The following SIX3 variants were observed in gnomAD, a reference collection of about 807,000 sequenced individuals.
The protein encoded by SIX3 is homeobox protein SIX3.
SIX3 carries 2 observed loss-of-function variants against 21.7 expected under a neutral mutation model. The ratio of observed to expected loss-of-function variants is 0.09; its 90% CI spans 0.04 to 0.29. The LOEUF (loss-of-function observed/expected upper bound fraction) is 0.29, where lower values mean the gene tolerates loss of function less well. Ranked by LOEUF, SIX3 falls within the 10% of genes least tolerant of loss-of-function variation. The pLI is 1.00. For missense variants in SIX3, 347 were observed against 480.7 expected (o/e 0.72, Z 2.60); for synonymous variants, 243 against 220.6 (o/e 1.10, Z -0.90).
At chr2:44,943,565 G>A (rs1666627399) in intron 1 of SIX3, among the ~76,000 whole-genome samples, 2 of 152,338 alleles carry the variant, frequency 1.3e-5, no homozygotes, top group African/African-American at 4.8e-5. Flanking sequence ...GCTGGGAAGC[G>A]GGCACGAGCA....
Position 44,944,616 on chromosome 2 carries a change from G to C in SIX3, c.855G>C (p.Glu285Asp). 1 of 1,574,584 alleles carries C rather than the reference G, an allele frequency of 6.4e-7. No homozygotes were observed. Among genetic ancestry groups the C allele is most frequent in the Admixed American group, 1.7e-5 (1 of 57,730 alleles). ...CGAGCGGCATGCGCTCGCTGGCCGA[G>C]CCCGGCTGCCCCACGCACGGCTCGG... ...IGPSGMRSLA[E>D]PGCPTHGSAE... is the part of the protein sequence containing the mutation. Residue 285 changes from glutamate (E) to aspartate (D), a missense_variant, in exon 2 of 2, where the codon GAG (glutamate) becomes GAC (aspartate). Physicochemically the swap from Glu to Asp is conservative, Grantham distance 45. This residue lies in a region of SIX3 where 110 missense variants were observed against 93.3 expected (regional missense o/e 1.18). Transcript: ENST00000260653.
In SIX3 at chr2:44,942,665, G is replaced by C. The variant is rs766604421; in HGVS notation, c.561G>C (p.Pro187=). 4.4e-6 allele frequency: 7 copies of C among 1,599,440 alleles called. No individual in the cohort carries two copies. The highest frequency in any genetic ancestry group is 5.9e-6 in the Non-Finnish European group (7 of 1,179,310). The change falls in exon 1 of 2, where the codon CCG becomes CCC. Residue 187 remains proline, a synonymous_variant. Transcript: ENST00000260653. The surrounding 1 kb of genome is among the most constrained non-coding windows in gnomAD (Gnocchi z 8.4). ...AGCTGCGCGGCCGCCCACTCGGCCC[G>C]GTGGACAAGTACCGCGTGCGCAAGA... ...AEKLRGRPLG[P]VDKYRVRKKF...
intron 1 of SIX3, among the ~76,000 whole-genome samples, chr2:44,943,558 G>A (rs1210184917): frequency 6.6e-6 from 1 of 152,246 alleles, no homozygotes; most frequent in African/African-American, 2.4e-5. Flanking sequence ...CCTCTAAGCT[G>A]GGAAGCGGGC....
chr2:44,944,347 G>A (rs1214401024), intron 1 of SIX3, among the ~76,000 whole-genome samples: 1 of 152,194 alleles, frequency 6.6e-6, no homozygotes, highest in Non-Finnish European at 1.5e-5. Flanking sequence ...AGAAGCGCCC[G>A]GCTCCTCTCC....
chr2:44,941,978 C>T lies in SIX3; in HGVS notation c.-127C>T. The T allele has an allele frequency of 1.6e-6, 1 of 631,754 alleles. No homozygotes were observed. Among genetic ancestry groups the T allele is most frequent in the Non-Finnish European group, 2.9e-6 (1 of 345,008 alleles). 39.1% of individuals were successfully genotyped at this position (631,754 alleles called of 1,614,324 possible). A position where few individuals can be genotyped will look rare whatever the true frequency, so the allele number is the denominator to read the frequency against. ...CTCCTCTCCCTCCTCCTCCTGCTCCCCCCTCCTTTCCTTCTCCTCCTCCCC... is the reference window on the plus strand; with the variant it reads ...CTCCTCTCCCTCCTCCTCCTGCTCCTCCCTCCTTTCCTTCTCCTCCTCCCC... On this transcript the variant is annotated 5_prime_UTR_variant, in exon 1 of 2. Coordinates refer to ENST00000260653, the MANE Select transcript of SIX3 (RefSeq NM_005413.4).
chr2:44,942,455 G>T lies in SIX3; in HGVS notation c.351G>T (p.Val117=), dbSNP rs199742584. The change falls in exon 1 of 2, where the codon GTG becomes GTT. Residue 117 remains valine, a synonymous_variant. Coordinates refer to ENST00000260653, the MANE Select transcript of SIX3 (RefSeq NM_005413.4). This position sits in a 1 kb window ranked among gnomAD's most constrained non-coding sequence, Gnocchi z 8.4. ...GCCGCTTCCTCTGGTCGCTGCCCGT[G>T]GCCCCCGGGGCGTGCGAGGCCATCA... ...RLGRFLWSLP[V]APGACEAINK... 4 of 1,597,930 alleles carry T rather than the reference G, an allele frequency of 2.5e-6. No homozygotes were observed. The highest frequency in any genetic ancestry group is 3.4e-6 in the Non-Finnish European group (4 of 1,179,610).
In SIX3 at chr2:44,945,145, A is replaced by C; in HGVS notation, c.*385A>C. 1 of 240,592 alleles carries C rather than the reference A, an allele frequency of 4.2e-6. No homozygotes were observed. Among genetic ancestry groups the C allele is most frequent in the African/African-American group, 2.3e-5 (1 of 43,724 alleles). 14.9% of individuals were successfully genotyped at this position (240,592 alleles called of 1,614,324 possible). Reference sequence around the variant, plus strand: ...TCCTTTCGGTTCCCATGGACCCGGCACCCCACCTGCATGACGATTTATTTG... The same window carrying C: ...TCCTTTCGGTTCCCATGGACCCGGCCCCCCACCTGCATGACGATTTATTTG... On this transcript the variant is annotated 3_prime_UTR_variant, in exon 2 of 2. Transcript: ENST00000260653.
intron 1 of SIX3, among the ~76,000 whole-genome samples, chr2:44,943,979 C>G (rs897306451): frequency 1.3e-5 from 2 of 152,206 alleles, no homozygotes. Flanking sequence ...AAGCCAAGGC[C>G]TCCTTGTGGA....
chr2:44,942,031 ATCGCCCCTCTCCTCC>A lies in SIX3; in HGVS notation c.-71_-57del, dbSNP rs1666581235. 9.2e-7 allele frequency: 1 copy of A among 1,090,624 alleles called. No homozygotes were observed. The highest frequency in any genetic ancestry group is 1.8e-5 in the African/African-American group (1 of 55,558). The allele number at this position is 1,090,624 out of a possible 1,614,324, so 67.6% of individuals were successfully genotyped here. A position where few individuals can be genotyped will look rare whatever the true frequency, so the allele number is the denominator to read the frequency against. On this transcript the variant is annotated 5_prime_UTR_variant, in exon 1 of 2. Transcript: ENST00000260653. This position sits in a 1 kb window ranked among gnomAD's most constrained non-coding sequence, Gnocchi z 8.4. Reference sequence around the variant, plus strand: ...TCTCCTCTCCCTCCTCCTGGTCCTCATCGCCCCTCTCCTCCTCTTCCTCCCCTCTCTCTTCCTCTC... The same window carrying A: ...TCTCCTCTCCCTCCTCCTGGTCCTCATCTTCCTCCCCTCTCTCTTCCTCTC...
chr2:44,943,988 G>A (rs1666637311), intron 1 of SIX3, among the ~76,000 whole-genome samples: 1 of 152,212 alleles, frequency 6.6e-6, no homozygotes, highest in Non-Finnish European at 1.5e-5. Context: ...CCTCCTTGTG[G>A]AGAGAATTCC....
At chr2:44,943,587 G>A (rs1043569826) in intron 1 of SIX3, among the ~76,000 whole-genome samples, 1 of 152,206 alleles carries the variant, frequency 6.6e-6, no homozygotes, top group Non-Finnish European at 1.5e-5. Flanking sequence ...CCTCGTTGCC[G>A]GCAAGTTGGC....
chr2:44,944,223 G>C (rs1047266684), intron 1 of SIX3, among the ~76,000 whole-genome samples: 3 of 152,226 alleles, frequency 2.0e-5, no homozygotes, highest in Non-Finnish European at 2.9e-5. Context: ...GGGCGGTGGG[G>C]AACCCGCAGC....
rs776461044 is a variant in SIX3, at chr2:44,942,332, G to A, written c.228G>A (p.Glu76=). ...GCGGCTCCAGGGCCCCCCCGGAAGA[G>A]TTGTCCATGTTCCAGCTGCCCACCC... ...GGGGSRAPPE[E]LSMFQLPTLN... Residue 76 remains glutamate, a synonymous_variant, in exon 1 of 2, where the codon GAG becomes GAA. Coordinates refer to ENST00000260653, the MANE Select transcript of SIX3 (RefSeq NM_005413.4). This position sits in a 1 kb window ranked among gnomAD's most constrained non-coding sequence, Gnocchi z 8.4. 1 of 1,595,570 alleles carries A rather than the reference G, an allele frequency of 6.3e-7. No homozygotes were observed. Among genetic ancestry groups the A allele is most frequent in the Non-Finnish European group, 8.5e-7 (1 of 1,178,782 alleles).
Position 44,942,303 on chromosome 2 carries a change from G to C in SIX3, c.199G>C (p.Gly67Arg). The C allele has an allele frequency of 1.3e-6, 2 of 1,577,442 alleles. No individual in the cohort carries two copies. Among genetic ancestry groups the C allele is most frequent in the South Asian group, 1.1e-5 (1 of 89,360 alleles). The change falls in exon 1 of 2, where the codon GGC (glycine) becomes CGC (arginine). Residue 67 changes from glycine (G) to arginine (R), a missense_variant. Gly to Arg is a moderately radical substitution (Grantham distance 125). Coordinates refer to ENST00000260653, the MANE Select transcript of SIX3 (RefSeq NM_005413.4). The surrounding 1 kb of genome is among the most constrained non-coding windows in gnomAD (Gnocchi z 8.4). ...TGCTGGCGGAGCAGGCGGCGGCGGC[G>C]GCGGCGGCTCCAGGGCCCCCCCGGA... ...GGAGGAGGGG[G>R]GGSRAPPEEL...
chr2:44,943,032 G>T, intron 1 of SIX3, 122 bp downstream of exon 1: 1 of 1,432,842 alleles, frequency 7.0e-7, no homozygotes, highest in African/African-American at 1.4e-5. Context: ...TGGCCAGTCG[G>T]AGAAAGTTTC....
intron 1 of SIX3, among the ~76,000 whole-genome samples, chr2:44,944,225 AC>A (rs1558420713): frequency 6.6e-6 from 1 of 151,826 alleles, no homozygotes; most frequent in Non-Finnish European, 1.5e-5. Flanking sequence ...GCGGTGGGGA[AC>A]CCGCAGCTCC....
rs1312694309 is a variant in SIX3 at position 44,945,548 on chromosome 2, C to A, written c.*788C>A. On this transcript the variant is annotated 3_prime_UTR_variant, in exon 2 of 2. Coordinates refer to ENST00000260653, the MANE Select transcript of SIX3 (RefSeq NM_005413.4). ...TTTCTTCGTAAGCACCTTTTTCTCT[C>A]CACTCTGTCACTGCCTGTGTGGGTA... The A allele has an allele frequency of 6.6e-6, 1 of 152,014 alleles. No individual in the cohort carries two copies. The highest frequency in any genetic ancestry group is 1.9e-4 in the East Asian group (1 of 5,198). The allele number at this position is 152,014 out of a possible 1,614,324, so 9.4% of individuals were successfully genotyped here.
chr2:44,944,889 A>G lies in SIX3; in HGVS notation c.*129A>G, dbSNP rs942847520. Reference sequence around the variant, plus strand: ...CCCCAGAACAAACCGAAATCAGGATACCCAACCATACACACATACAAGTCC... The same window carrying G: ...CCCCAGAACAAACCGAAATCAGGATGCCCAACCATACACACATACAAGTCC... On this transcript the variant is annotated 3_prime_UTR_variant, in exon 2 of 2. Coordinates refer to ENST00000260653, the MANE Select transcript of SIX3 (RefSeq NM_005413.4). 100 of 822,884 alleles carry G rather than the reference A, an allele frequency of 1.2e-4. No individual in the cohort carries two copies. The highest frequency in any genetic ancestry group is 1.0e-4 in the Non-Finnish European group (51 of 497,998). 51.0% of individuals were successfully genotyped at this position (822,884 alleles called of 1,614,324 possible). A position where few individuals can be genotyped will look rare whatever the true frequency, so the allele number is the denominator to read the frequency against.
In SIX3 at chr2:44,944,947, A is replaced by T. The variant is rs976481404; in HGVS notation, c.*187A>T. The T allele has an allele frequency of 1.6e-6, 1 of 616,784 alleles. No homozygotes were observed. The highest frequency in any genetic ancestry group is 2.8e-5 in the Admixed American group (1 of 35,842). The allele number at this position is 616,784 out of a possible 1,614,324, so 38.2% of individuals were successfully genotyped here. ...CTCCCACCCCAGCCAAAAATATATAAAAAACAAGAAAATAACAAATTAACC... is the reference window on the plus strand; with the variant it reads ...CTCCCACCCCAGCCAAAAATATATATAAAACAAGAAAATAACAAATTAACC... On this transcript the variant is annotated 3_prime_UTR_variant, in exon 2 of 2. Coordinates refer to ENST00000260653, the MANE Select transcript of SIX3 (RefSeq NM_005413.4).
Sources: gnomAD v4.1 joint callset for allele counts (sites outside exome capture counted in the v4.1 genomes callset) on GRCh38, gnomAD v4.1.1 for gene constraint, gnomAD v4.1.1 regional missense constraint, Gnocchi (gnomAD v3.1) non-coding constraint, MANE v1.5 for transcripts, NCBI Gene and HGNC (gene_info 2026-07-23, HGNC 2026-07-21) for gene names.